Variants in DNAH17 observed in about 807,000 individuals in gnomAD.
DNAH17 encodes dynein axonemal heavy chain 17, also known as axonemal beta dynein heavy chain 17.
In DNAH17, 376 loss-of-function variants were observed where a neutral mutation model predicts 485.6. The ratio of observed to expected loss-of-function variants is 0.77; its 90% CI spans 0.71 to 0.84. The LOEUF (loss-of-function observed/expected upper bound fraction) is 0.84, where lower values mean the gene tolerates loss of function less well. Ranked by LOEUF, DNAH17 falls within the 40% of genes least tolerant of loss-of-function variation. The pLI is 0.00. For synonymous variants in DNAH17, 3,031 were observed against 2,405.9 expected, an observed-to-expected ratio of 1.26 and a Z score of -7.60; for missense variants, 6,370 against 5,839.3, an observed-to-expected ratio of 1.09 and a Z score of -2.96.
intron 17 of DNAH17, among the ~76,000 whole-genome samples, chr17:78,540,368 AATGGGGTGGACGGATAGCTGGATGG>A (rs2091491616): frequency 7.7e-6 from 1 of 129,746 alleles, no homozygotes; most frequent in Admixed American, 7.9e-5. Context: ...TGGACAGATG[AATGGGGTGGACGGATAGCTGGATGG>A]ATGGATGGGG....
intron 50 of DNAH17, 107 bp from the exon 51 acceptor site, chr17:78,479,223 A>G: frequency 8.5e-7 from 1 of 1,180,920 alleles, no homozygotes; most frequent in South Asian, 1.4e-5. Flanking sequence ...TGACAACTGG[A>G]GTAAGAAATC....
At position 78,545,119 on chromosome 17, in the gene DNAH17, CTG is replaced by C. The variant is rs139622053; in HGVS notation, c.2392-1124_2392-1123del. On this transcript the variant is annotated intron_variant, in intron 16 of 80. Coordinates refer to ENST00000389840, the MANE Select transcript of DNAH17 (RefSeq NM_173628.4). ...CTGTTTCTCAGCTGCCTCTGTGACT[CTG>C]GGGTGAACGATGAAGACTTAGATCA... is the stretch of plus-strand genomic sequence containing the variant. 6.1e-3 allele frequency among the ~76,000 whole-genome samples: 925 copies of C among 152,226 alleles called. 3 individuals are homozygous for C. The highest frequency in any genetic ancestry group is 9.4e-3 in the Non-Finnish European group (637 of 68,006).
intron 11 of DNAH17, among the ~76,000 whole-genome samples, chr17:78,566,087 C>G (rs183386870): frequency 3.3e-5 from 5 of 151,832 alleles, no homozygotes; most frequent in African/African-American, 1.2e-4. Context: ...CTTCTAGGAA[C>G]GGAAGTAGAC....
In DNAH17 at chr17:78,500,341, G is replaced by C. The variant is rs1479318476; in HGVS notation, c.5604C>G (p.Val1868=). 3 of 1,612,766 alleles carry C rather than the reference G, an allele frequency of 1.9e-6. No individual in the cohort carries two copies. Among genetic ancestry groups the C allele is most frequent in the Non-Finnish European group, 2.5e-6 (3 of 1,179,488 alleles). The change falls in exon 36 of 81, where the codon GTC becomes GTG. Residue 1868 remains valine, a synonymous_variant. Coordinates refer to ENST00000389840, the MANE Select transcript of DNAH17 (RefSeq NM_173628.4). ...TCTGCTCGGAGCAGTTGAAGACGTA[G>C]ACCATGGTGCCCAGGGCTCTGCCCA... is the stretch of plus-strand genomic sequence containing the variant. ...KDLGRALGTM[V]YVFNCSEQMD...
In DNAH17 at chr17:78,571,632, G is replaced by A; in HGVS notation, c.690C>T (p.Phe230=). 1.9e-6 allele frequency: 3 copies of A among 1,613,996 alleles called. No homozygotes were observed. The highest frequency in any genetic ancestry group is 8.5e-7 in the Non-Finnish European group (1 of 1,179,902). The change falls in exon 4 of 81, where the codon TTC becomes TTT. Residue 230 remains phenylalanine, a synonymous_variant. Transcript: ENST00000389840. ...LHPLPQVEFE[F]WDTRLLNLKC... is the part of the protein sequence containing the mutation. Reference sequence around the variant, plus strand: ...TGAGGTTCAGCAGCCGAGTGTCCCAGAACTCGAACTCCACTTGGGGCAGGG... The same window carrying A: ...TGAGGTTCAGCAGCCGAGTGTCCCAAAACTCGAACTCCACTTGGGGCAGGG...
chr17:78,458,817 G>A, intron 61 of DNAH17, 137 bp from the exon 62 acceptor site: 1 of 1,021,916 alleles, frequency 9.8e-7, no homozygotes, highest in Non-Finnish European at 1.5e-6. Flanking sequence ...TCTGGAGCAT[G>A]GAGGCTAAGG....
At chr17:78,459,236 C>T (rs370808869) in intron 60 of DNAH17, 28 bp from the exon 61 acceptor site, 20 of 1,606,258 alleles carry the variant, frequency 1.2e-5, no homozygotes, top group African/African-American at 6.7e-5. Context: ...GGGCCGGAGT[C>T]GTCACCCTGT....
chr17:78,429,019 G>T, intron 76 of DNAH17, 102 bp downstream of exon 76: 1 of 1,322,060 alleles, frequency 7.6e-7, no homozygotes, highest in Non-Finnish European at 1.1e-6. Flanking sequence ...TGGCTGCCTG[G>T]GTTCTTGCTC....
chr17:78,451,710 C>T, intron 65 of DNAH17, 37 bp from the exon 66 acceptor site: 1 of 1,521,152 alleles, frequency 6.6e-7, no homozygotes, highest in Non-Finnish European at 8.9e-7. Flanking sequence ...GTGGGCCTCC[C>T]AGTGACCAGG....
chr17:78,468,658 A>G lies in DNAH17; in HGVS notation c.8737T>C (p.Cys2913Arg), dbSNP rs371379239. Residue 2913 changes from cysteine (C) to arginine (R), a missense_variant, in exon 55 of 81, where the codon TGT becomes CGT. Cys to Arg is a radical substitution (Grantham distance 180, BLOSUM62 -3). Coordinates refer to ENST00000389840, the MANE Select transcript of DNAH17 (RefSeq NM_173628.4). ...ACTTTTTCGATGAAGAACTTCCAAC[A>G]TGTTTCCCGAGTGTCATTCATGCCA... Reference protein sequence around the residue: ...SLGMNDTRETCWKFFIEKVRR... With the variant: ...SLGMNDTRETRWKFFIEKVRR... 3.7e-6 allele frequency: 6 copies of G among 1,613,806 alleles called. No homozygotes were observed. The South Asian group carries it at 5.5e-5, about 15-fold the overall frequency.
rs563682005 is a variant in DNAH17, at chr17:78,429,384, C to T, written c.12226-84G>A. On this transcript the variant is annotated intron_variant, in intron 75 of 80. Coordinates refer to ENST00000389840, the MANE Select transcript of DNAH17 (RefSeq NM_173628.4). The stretch of plus-strand genomic sequence containing the variant: ...GAGGGTCAGGCTCAGGCAGGCAGGG[C>T]GTGGGAACCCAGCCATTGGTGCTGT... The T allele has an allele frequency of 7.1e-5, 102 of 1,440,300 alleles. 1 individual carries two copies. The highest frequency in any genetic ancestry group is 1.5e-4 in the East Asian group (6 of 41,276). 89.2% of individuals were successfully genotyped at this position (1,440,300 alleles called of 1,614,324 possible).
Position 78,490,751 on chromosome 17 carries a change from C to T in DNAH17, c.6766G>A (p.Val2256Ile), listed in dbSNP as rs368291856. ...ATGTAGAGGATGCCGGCTCTGGAAA[C>T]GGTGGCTGGGGTGGCCGTCCTCAGG... ...SHLRTATPAT[V>I]SRAGILYINP... The change falls in exon 44 of 81, where the codon GTT (valine) becomes ATT (isoleucine). Residue 2256 changes from valine (V) to isoleucine (I), a missense_variant. By Grantham distance (29) the Val-to-Ile change is conservative. Transcript: ENST00000389840. The T allele has an allele frequency of 1.2e-4, 200 of 1,606,986 alleles. No individual in the cohort carries two copies. The highest frequency in any genetic ancestry group is 1.6e-4 in the Non-Finnish European group (186 of 1,176,900).
chr17:78,471,521 T>C (rs1284686846), intron 54 of DNAH17, among the ~76,000 whole-genome samples: 3 of 152,278 alleles, frequency 2.0e-5, no homozygotes, highest in African/African-American at 4.8e-5. Flanking sequence ...CCTTTTTTGT[T>C]CCTTTTTCTG....
At chr17:78,458,014 G>A (rs1416812285) in intron 62 of DNAH17, among the ~76,000 whole-genome samples, 2 of 152,026 alleles carry the variant, frequency 1.3e-5, no homozygotes, top group Non-Finnish European at 2.9e-5. Flanking sequence ...ATATTGGCCA[G>A]GCTGGTCTCG....
chr17:78,474,935 C>T (rs76008145), intron 54 of DNAH17, among the ~76,000 whole-genome samples: 26,546 of 126,546 alleles, frequency 0.21, 2,959 homozygotes, highest in African/African-American at 0.38. Flanking sequence ...TCACACGGGC[C>T]GAAAGGTTTC....
Position 78,529,676 on chromosome 17 carries a change from G to A in DNAH17, c.3303C>T (p.Ala1101=), listed in dbSNP as rs1568203514. 1 of 1,613,964 alleles carries A rather than the reference G, an allele frequency of 6.2e-7. No individual in the cohort carries two copies. The highest frequency in any genetic ancestry group is 8.5e-7 in the Non-Finnish European group (1 of 1,179,876). Residue 1101 remains alanine (A), a synonymous_variant, in exon 22 of 81, where the codon GCC becomes GCT. Transcript: ENST00000389840. ...AGCCCATTCTGGCGACTTTCATGAA[G>A]GCTTCCAGGTCAGCCAGGCTAAGGG... ...HVTNSLADLE[A]FMKVARMGLT...
At chr17:78,521,618 A>G (rs1375944113) in intron 25 of DNAH17, among the ~76,000 whole-genome samples, 1 of 152,190 alleles carries the variant, frequency 6.6e-6, no homozygotes, top group Non-Finnish European at 1.5e-5. Flanking sequence ...ATCTAGGAAA[A>G]GAGTTCATAA....
chr17:78,522,778 A>T, intron 25 of DNAH17: 2 of 228,270 alleles, frequency 8.8e-6, no homozygotes, highest in South Asian at 7.6e-5. Flanking sequence ...TGGAAAAGCT[A>T]GAAGCTCTTT....
chr17:78,449,494 T>C lies in DNAH17; in HGVS notation c.11131A>G (p.Thr3711Ala), dbSNP rs1482846519. 4 of 1,577,922 alleles carry C rather than the reference T, an allele frequency of 2.5e-6. No individual in the cohort carries two copies. Among genetic ancestry groups the C allele is most frequent in the Admixed American group, 3.7e-5 (2 of 54,124 alleles). Reference sequence around the variant, plus strand: ...GCCGTGTACATGTAGACGGAGTAGGTGATCTCGTCCGTCAGGTTGATCACC... The same window carrying C: ...GCCGTGTACATGTAGACGGAGTAGGCGATCTCGTCCGTCAGGTTGATCACC... ...QRVINLTDEI[T>A]YSVYMYTARG... Residue 3711 changes from threonine (T) to alanine (A), a missense_variant, in exon 69 of 81, where the codon ACC becomes GCC. Transcript: ENST00000389840.
Sources: allele counts gnomAD v4.1 joint callset (sites outside exome capture counted in the v4.1 genomes callset), GRCh38; gene constraint gnomAD v4.1.1; transcripts MANE v1.5; gene names NCBI Gene and HGNC (gene_info 2026-07-23, HGNC 2026-07-21).